The following MBP variants were observed in gnomAD, a reference collection of about 807,000 sequenced individuals.
The protein encoded by MBP is Golli-MBP.
MBP carries 16 observed loss-of-function variants against 35.8 expected under a neutral mutation model. The ratio of observed to expected loss-of-function variants is 0.45; its 90% CI spans 0.30 to 0.68. The LOEUF (loss-of-function observed/expected upper bound fraction) is 0.68. Ranked by LOEUF, MBP falls within the 30% of genes least tolerant of loss-of-function variation. The probability of loss-of-function intolerance (pLI) is 0.08; values close to 1 mark genes in which losing one functional copy is unlikely to be tolerated. For synonymous variants in MBP, 143 were observed against 159.6 expected (o/e 0.90, Z 0.78); for missense variants, 380 against 404.7 (o/e 0.94, Z 0.52).
chr18:76,994,947 T>TC, intron 4 of MBP, among the ~76,000 whole-genome samples: 1 of 152,358 alleles, frequency 6.6e-6, no homozygotes, highest in Admixed American at 6.5e-5. Context: ...TAGCCATAAA[T>TC]CATCAGTTGC....
chr18:77,061,975 C>T (rs557408711), intron 3 of MBP, among the ~76,000 whole-genome samples: 14 of 152,286 alleles, frequency 9.2e-5, no homozygotes, highest in African/African-American at 1.2e-4. Flanking sequence ...GTGAAGTGGA[C>T]GCAGTGAACA....
At chr18:77,033,704 C>T (rs1972627374) in intron 3 of MBP, among the ~76,000 whole-genome samples, 1 of 151,940 alleles carries the variant, frequency 6.6e-6, no homozygotes, top group Non-Finnish European at 1.5e-5. Flanking sequence ...TCTATCCACC[C>T]ATCCATTCAC....
chr18:77,010,245 C>A (rs1971268305), intron 4 of MBP: 3 of 353,830 alleles, frequency 8.5e-6, no homozygotes, highest in Admixed American at 4.5e-5. Context: ...CTGTATCAAA[C>A]AATGGGACCA....
rs576811435 is a variant in MBP, at chr18:76,995,042, T to C, written c.577-4982A>G. On this transcript the variant is annotated intron_variant, in intron 4 of 8. Transcript: ENST00000355994. ...CACTAAAAGGACATTTAGTCAATTA[T>C]ATATCTACATCCAAGTAATGAACAA... Among the ~76,000 whole-genome samples, 10 of 152,344 alleles carry C rather than the reference T, an allele frequency of 6.6e-5. No individual in the cohort carries two copies. The South Asian group carries it at 2.1e-3, about 32-fold the overall frequency.
At chr18:77,016,363 G>T (rs575485767) in intron 4 of MBP, 6 of 989,670 alleles carry the variant, frequency 6.1e-6, no homozygotes, top group African/African-American at 1.7e-5. Flanking sequence ...AGTCTTCCTC[G>T]ACCTCAATCC....
chr18:77,099,749 C>T (rs908670855), intron 2 of MBP, among the ~76,000 whole-genome samples: 46 of 152,328 alleles, frequency 3.0e-4, no homozygotes, highest in African/African-American at 9.1e-4. Context: ...TGACTCAGCA[C>T]GTGGGAGATG....
intron 3 of MBP, among the ~76,000 whole-genome samples, chr18:77,031,844 C>G (rs990707358): frequency 4.6e-5 from 7 of 152,356 alleles, no homozygotes; most frequent in South Asian, 2.1e-4. Flanking sequence ...GGTGACCTCT[C>G]TCATGGATGG....
chr18:77,080,694 T>A (rs561113301), intron 2 of MBP, among the ~76,000 whole-genome samples: 1 of 124,780 alleles, frequency 8.0e-6, no homozygotes, highest in Non-Finnish European at 1.9e-5. Context: ...TTATTATTTA[T>A]TTTTTTTATG....
chr18:76,985,290 A>G (rs1969480966), intron 7 of MBP: 3 of 1,307,916 alleles, frequency 2.3e-6, no homozygotes, highest in Non-Finnish European at 3.0e-6. Flanking sequence ...GGTTTGGAGG[A>G]CTCGGACCCT....
intron 4 of MBP, among the ~76,000 whole-genome samples, chr18:76,993,135 G>A (rs1206840510): frequency 6.6e-6 from 1 of 152,200 alleles, no homozygotes; most frequent in Non-Finnish European, 1.5e-5. Flanking sequence ...TCTCTGCACT[G>A]GGCCTCATTA....
chr18:77,101,150 C>T lies in MBP; in HGVS notation c.51+4061G>A, dbSNP rs1975991720. 6.6e-6 allele frequency among the ~76,000 whole-genome samples: 1 copy of T among 152,252 alleles called. No homozygotes were observed. The highest frequency in any genetic ancestry group is 6.5e-5 in the Admixed American group (1 of 15,290). ...AGGACTGCCAGGCAGGCAAAGACTGCCTAAGACAGGGCATCCCTCTGTGGG... is the reference window on the plus strand; with the variant it reads ...AGGACTGCCAGGCAGGCAAAGACTGTCTAAGACAGGGCATCCCTCTGTGGG... On this transcript the variant is annotated intron_variant, in intron 2 of 8. Transcript: ENST00000355994. This position sits in a 1 kb window ranked among gnomAD's most constrained non-coding sequence, Gnocchi z 4.3.
At chr18:77,095,710 C>A (rs990335125) in intron 2 of MBP, among the ~76,000 whole-genome samples, 1 of 152,236 alleles carries the variant, frequency 6.6e-6, no homozygotes, top group Non-Finnish European at 1.5e-5. Flanking sequence ...CTTTTCCTGC[C>A]CCCTTCACAT....
At chr18:77,013,367 C>A (rs1447302097) in intron 4 of MBP, 1 of 985,272 alleles carries the variant, frequency 1.0e-6, no homozygotes, top group African/African-American at 1.7e-5. Context: ...TCTACTGTAT[C>A]CTTCATGTGT....
At chr18:77,028,548 C>T (rs111428025) in intron 3 of MBP, among the ~76,000 whole-genome samples, 3 of 96,786 alleles carry the variant, frequency 3.1e-5, no homozygotes, top group African/African-American at 8.8e-5. Context: ...AGGGGCTCCT[C>T]ACTTCCCAGT....
chr18:76,985,312 C>A (rs1004255249), intron 7 of MBP: 34 of 1,297,820 alleles, frequency 2.6e-5, no homozygotes, highest in Non-Finnish European at 3.3e-5. Flanking sequence ...GGGGGCTGTG[C>A]GCTGTGTAGG....
intron 3 of MBP, among the ~76,000 whole-genome samples, chr18:77,031,050 A>G (rs1443792929): frequency 1.3e-5 from 2 of 152,190 alleles, no homozygotes; most frequent in African/African-American, 4.8e-5. Flanking sequence ...AATAAAGAAA[A>G]GTTATCCAAT....
chr18:76,989,809 G>A lies in MBP; in HGVS notation c.681+147C>T, dbSNP rs1020769821. 17 of 662,892 alleles carry A rather than the reference G, an allele frequency of 2.6e-5. No homozygotes were observed. Among genetic ancestry groups the A allele is most frequent in the South Asian group, 1.8e-5 (1 of 56,256 alleles). The allele number at this position is 662,892 out of a possible 1,614,324, so 41.1% of individuals were successfully genotyped here. A position where few individuals can be genotyped will look rare whatever the true frequency, so the allele number is the denominator to read the frequency against. On this transcript the variant is annotated intron_variant, in intron 5 of 8. Coordinates refer to ENST00000355994, the MANE Select transcript of MBP (RefSeq NM_001025101.2). The surrounding 1 kb of genome is among the most constrained non-coding windows in gnomAD (Gnocchi z 4.0). ...TTGCCTGGAACTCGCGATCAGGTGC[G>A]AGGGGGGAGTTCCCCGGCCGGCCTC...
intron 2 of MBP, among the ~76,000 whole-genome samples, chr18:77,072,599 C>G (rs764627184): frequency 2.0e-5 from 3 of 152,234 alleles, no homozygotes; most frequent in Non-Finnish European, 4.4e-5. Flanking sequence ...TGCAGAAGCA[C>G]ACAAAACTAT....
chr18:76,993,037 G>A (rs901770949), intron 4 of MBP, among the ~76,000 whole-genome samples: 3 of 152,186 alleles, frequency 2.0e-5, no homozygotes, highest in Non-Finnish European at 2.9e-5. Context: ...TCAGCACTGC[G>A]AGCTCTGTTT....
Sources: allele counts gnomAD v4.1 joint callset (sites outside exome capture counted in the v4.1 genomes callset), GRCh38; gene constraint gnomAD v4.1.1; non-coding constraint Gnocchi (gnomAD v3.1); transcripts MANE v1.5; gene names NCBI Gene and HGNC (gene_info 2026-07-23, HGNC 2026-07-21).